The following TSNARE1 variants were observed in gnomAD, a reference collection of about 807,000 sequenced individuals.
The protein encoded by TSNARE1 is t-SNARE domain containing 1, also known as t-SNARE domain-containing protein 1.
TSNARE1 carries 49 observed loss-of-function variants against 62.0 expected under a neutral mutation model. The ratio of observed to expected loss-of-function variants is 0.79; its 90% CI spans 0.63 to 1.00. The LOEUF (loss-of-function observed/expected upper bound fraction) is 1.00. Ranked by LOEUF, TSNARE1 falls within the 50% of genes least tolerant of loss-of-function variation. The pLI is 0.00. For synonymous variants in TSNARE1, 328 were observed against 294.4 expected (o/e 1.11, Z -1.17); for missense variants, 755 against 700.1 (o/e 1.08, Z -0.88).
chr8:142,342,406 G>A (rs999877725), intron 4 of TSNARE1, among the ~76,000 whole-genome samples: 7 of 152,112 alleles, frequency 4.6e-5, no homozygotes, highest in East Asian at 1.9e-4. Context: ...TGCGGTCCTC[G>A]CCACACACTG....
chr8:142,311,290 G>GTTTTTT lies in TSNARE1; in HGVS notation c.1131+3088_1131+3093dup, dbSNP rs58755110. Among the ~76,000 whole-genome samples, 157 of 57,340 alleles carry GTTTTTT rather than the reference G, an allele frequency of 2.7e-3. 12 individuals are homozygous for GTTTTTT. The highest frequency in any genetic ancestry group is 3.4e-3 in the Non-Finnish European group (117 of 34,444). 37.6% of individuals were successfully genotyped at this position (57,340 alleles called of 152,430 possible). A position where few individuals can be genotyped will look rare whatever the true frequency, so the allele number is the denominator to read the frequency against. ...CGATTCTCCTGCCTCAGCCTCTCTA[G>GTTTTTT]TTTTTTTTTTTTTTTTTTTTTTTTG... is the stretch of plus-strand genomic sequence containing the variant. On this transcript the variant is annotated intron_variant, in intron 9 of 13. Coordinates refer to ENST00000524325, the MANE Select transcript of TSNARE1 (RefSeq NM_145003.5).
intron 10 of TSNARE1, among the ~76,000 whole-genome samples, chr8:142,290,766 C>G (rs191464450): frequency 6.6e-6 from 1 of 152,382 alleles, no homozygotes; most frequent in South Asian, 2.1e-4. Flanking sequence ...TGCCTGGGGC[C>G]TTGGAGCCCC....
chr8:142,309,555 TCA>T (rs1827249946), intron 9 of TSNARE1, among the ~76,000 whole-genome samples: 1 of 152,228 alleles, frequency 6.6e-6, no homozygotes, highest in Admixed American at 6.5e-5. Flanking sequence ...ACATGGTGAA[TCA>T]CACACAGACT....
At chr8:142,372,035 C>T (rs982123781) in intron 1 of TSNARE1, among the ~76,000 whole-genome samples, 20 of 152,146 alleles carry the variant, frequency 1.3e-4, no homozygotes, top group Non-Finnish European at 1.8e-4. Context: ...AATGGAAGAA[C>T]AGGGTTGCCA....
At chr8:142,328,684 C>G (rs572588222) in intron 6 of TSNARE1, among the ~76,000 whole-genome samples, 1 of 152,312 alleles carries the variant, frequency 6.6e-6, no homozygotes, top group East Asian at 1.9e-4. Context: ...ATCTCCAGAT[C>G]GTGACGGCCC....
intron 11 of TSNARE1, chr8:142,278,137 C>T (rs1563810686): frequency 1.0e-6 from 1 of 985,352 alleles, no homozygotes; most frequent in East Asian, 1.1e-4. Flanking sequence ...CCCCAAGCCC[C>T]ACCACAAGGC....
intron 12 of TSNARE1, among the ~76,000 whole-genome samples, chr8:142,259,310 C>A (rs1247190188): frequency 6.6e-6 from 1 of 152,210 alleles, no homozygotes; most frequent in East Asian, 1.9e-4. Flanking sequence ...TTCTGTTCAG[C>A]ATTCTCCCAG....
At chr8:142,334,829 G>A (rs79945954) in intron 4 of TSNARE1, among the ~76,000 whole-genome samples, 4,241 of 152,252 alleles carry the variant, frequency 0.028, 66 homozygotes, top group East Asian at 0.071. Flanking sequence ...CCTGCAACTA[G>A]AATTCTACAC....
Position 142,245,175 on chromosome 8 carries a change from A to G in TSNARE1, c.1447-15596T>C, listed in dbSNP as rs557581399. ...GGCAAAAATCGAGGAGTCTGACAAT[A>G]TCGAATACAAGATAGCCAGTGAGCG... On this transcript the variant is annotated intron_variant, in intron 12 of 13. Transcript: ENST00000524325. Among the ~76,000 whole-genome samples, 7 of 152,350 alleles carry G rather than the reference A, an allele frequency of 4.6e-5. No individual in the cohort carries two copies. The South Asian group carries it at 1.4e-3, about 32-fold the overall frequency.
intron 1 of TSNARE1, among the ~76,000 whole-genome samples, chr8:142,395,415 C>T (rs955210711): frequency 2.0e-5 from 3 of 151,858 alleles, no homozygotes; most frequent in African/African-American, 4.8e-5. Context: ...GTCGGGGCCA[C>T]TCCAGGCAGA....
intron 9 of TSNARE1, among the ~76,000 whole-genome samples, chr8:142,302,849 C>T (rs774343937): frequency 2.8e-4 from 42 of 152,174 alleles, no homozygotes; most frequent in Non-Finnish European, 1.2e-4. Flanking sequence ...CCCCACTGGA[C>T]CCTGCTGGCC....
chr8:142,296,558 C>CTACTCCAGGCTCTGGGGATGGGGCT (rs1246909668), intron 10 of TSNARE1, among the ~76,000 whole-genome samples: 1 of 151,928 alleles, frequency 6.6e-6, no homozygotes, highest in Admixed American at 6.5e-5. Context: ...GTGGAGCCCA[C>CTACTCCAGGCTCTGGGGATGGGGCT]TACTCCAGGC....
chr8:142,299,346 T>C (rs1227150947), intron 10 of TSNARE1, among the ~76,000 whole-genome samples: 1 of 152,210 alleles, frequency 6.6e-6, no homozygotes. Flanking sequence ...CTTAGCTGAA[T>C]TACTGCCAGG....
chr8:142,279,795 G>A (rs1336515724), intron 11 of TSNARE1: 25 of 857,770 alleles, frequency 2.9e-5, no homozygotes, highest in Non-Finnish European at 3.4e-5. Context: ...AAGCCCACTC[G>A]CCGGCCCTGC....
intron 12 of TSNARE1, among the ~76,000 whole-genome samples, chr8:142,241,403 G>T (rs1362169859): frequency 6.6e-6 from 1 of 152,148 alleles, no homozygotes; most frequent in Admixed American, 6.5e-5. Flanking sequence ...TCATGGATTG[G>T]AAGAATTTAT....
In TSNARE1 at chr8:142,315,068, G is replaced by A. The variant is rs756481116; in HGVS notation, c.1009C>T (p.Pro337Ser). 2.4e-5 allele frequency: 39 copies of A among 1,613,830 alleles called. No homozygotes were observed. Among genetic ancestry groups the A allele is most frequent in the Non-Finnish European group, 3.1e-5 (37 of 1,179,926 alleles). The stretch of plus-strand genomic sequence containing the variant: ...TGGGTTTTCAGCCGGTCCAGCTGAG[G>A]ACGCTCCTGCTGCAGACGCTCCTGC... ...CPQERLQQERPQLDRLKTQLS... is the reference protein window; with the variant it reads ...CPQERLQQERSQLDRLKTQLS... Residue 337 changes from proline to serine, a missense_variant, in exon 8 of 14, where the codon CCT becomes TCT. Pro to Ser is a moderately conservative substitution (Grantham distance 74). Transcript: ENST00000524325.
intron 4 of TSNARE1, among the ~76,000 whole-genome samples, chr8:142,342,033 A>G (rs1379885608): frequency 6.6e-6 from 1 of 152,240 alleles, no homozygotes; most frequent in African/African-American, 2.4e-5. Context: ...CGACTGAGCC[A>G]CTACAGCGGC....
chr8:142,277,492 C>A (rs1024691015), intron 11 of TSNARE1: 2 of 985,480 alleles, frequency 2.0e-6, no homozygotes, highest in Non-Finnish European at 2.4e-6. Context: ...CGCTGCAGAG[C>A]GGAAAGCATG....
At chr8:142,287,573 C>G in intron 10 of TSNARE1, among the ~76,000 whole-genome samples, 1 of 137,840 alleles carries the variant, frequency 7.3e-6, no homozygotes, top group South Asian at 2.5e-4. Context: ...CCCAGGACCC[C>G]GGCCAGATCT....
Sources: allele counts gnomAD v4.1 joint callset (sites outside exome capture counted in the v4.1 genomes callset), GRCh38; gene constraint gnomAD v4.1.1; transcripts MANE v1.5; gene names NCBI Gene and HGNC (gene_info 2026-07-23, HGNC 2026-07-21).